Variants in CAMTA1 observed in about 807,000 individuals in gnomAD.
CAMTA1 encodes the protein calmodulin-binding transcription activator 1.
In CAMTA1, 27 loss-of-function variants were observed where a neutral mutation model predicts 170.9. The observed-to-expected ratio is 0.16, with a 90% CI of 0.12 to 0.22. The LOEUF (loss-of-function observed/expected upper bound fraction) is 0.22, where lower values mean the gene tolerates loss of function less well. Among genes scored for constraint, CAMTA1 ranks in the 10% least tolerant of loss-of-function variants. The pLI is 1.00. For missense variants in CAMTA1, 1,619 were observed against 2,217.2 expected, an observed-to-expected ratio of 0.73 and a Z score of 5.42; for synonymous variants, 833 against 891.5, an observed-to-expected ratio of 0.93 and a Z score of 1.17.
At chr1:7,215,150 G>T (rs1287727941) in intron 4 of CAMTA1, among the ~76,000 whole-genome samples, 1 of 138,150 alleles carries the variant, frequency 7.2e-6, no homozygotes, top group Non-Finnish European at 1.6e-5. Flanking sequence ...AGTTTAGCTT[G>T]TGATTATCCT....
At chr1:7,188,059 G>A (rs758700981) in intron 4 of CAMTA1, among the ~76,000 whole-genome samples, 15 of 152,172 alleles carry the variant, frequency 9.9e-5, no homozygotes, top group Non-Finnish European at 1.8e-4. Context: ...TTCACAAGGT[G>A]GCAGGAGAGA....
intron 4 of CAMTA1, among the ~76,000 whole-genome samples, chr1:7,138,429 A>G (rs1347854686): frequency 6.6e-6 from 1 of 152,244 alleles, no homozygotes; most frequent in East Asian, 1.9e-4. Context: ...GACTAAAAAG[A>G]ATCACAAGAT....
intron 5 of CAMTA1, among the ~76,000 whole-genome samples, chr1:7,312,668 T>C (rs1676910076): frequency 6.6e-6 from 1 of 152,238 alleles, no homozygotes; most frequent in Admixed American, 6.5e-5. Flanking sequence ...TTCCAGGTGC[T>C]GTCCTCTCTG....
At chr1:7,180,494 C>T (rs940391597) in intron 4 of CAMTA1, among the ~76,000 whole-genome samples, 1 of 149,964 alleles carries the variant, frequency 6.7e-6, no homozygotes, top group Non-Finnish European at 1.5e-5. Context: ...GAAGGAACTA[C>T]CCCAAATGTC....
chr1:7,424,892 C>T (rs1446472133), intron 5 of CAMTA1, among the ~76,000 whole-genome samples: 4 of 152,100 alleles, frequency 2.6e-5, no homozygotes, highest in African/African-American at 7.2e-5. Flanking sequence ...TGGTGGCGCT[C>T]ATCCTCCCAG....
intron 6 of CAMTA1, among the ~76,000 whole-genome samples, chr1:7,516,348 C>T (rs936968883): frequency 6.6e-5 from 10 of 152,268 alleles, no homozygotes; most frequent in South Asian, 6.2e-4. Flanking sequence ...TCTGCTGTCC[C>T]GAAGCCTCCT....
rs2094770922 is a variant in CAMTA1, at chr1:7,549,584, TG to T, written c.510+81685del. 3.3e-5 allele frequency among the ~76,000 whole-genome samples: 5 copies of T among 152,290 alleles called. No homozygotes were observed. The South Asian group carries it at 1.0e-3, about 32-fold the overall frequency. On this transcript the variant is annotated intron_variant, in intron 6 of 22. Transcript: ENST00000303635. ...CTTTAGATAAAATGCAGTTGTGGAC[TG>T]GCCCAGCTTTAGTTTAAATCTTTTC...
chr1:7,579,548 T>TTTTCTTTC lies in CAMTA1; in HGVS notation c.511-60845_511-60844insCTTTCTTT, dbSNP rs1219580184. ...CTAAGGTCCACTTTCTTTTCTTTTC[T>TTTTCTTTC]TTTCTTTTTTTTTTTTTTTTTTTTT... On this transcript the variant is annotated intron_variant, in intron 6 of 22. Transcript: ENST00000303635. Among the ~76,000 whole-genome samples, 550 of 134,578 alleles carry TTTTCTTTC rather than the reference T, an allele frequency of 4.1e-3. 6 individuals are homozygous for TTTTCTTTC. The highest frequency in any genetic ancestry group is 0.018 in the African/African-American group (523 of 28,610). The allele number at this position is 134,578 out of a possible 152,430, so 88.3% of individuals were successfully genotyped here.
At chr1:7,617,773 T>C (rs2095569635) in intron 6 of CAMTA1, among the ~76,000 whole-genome samples, 1 of 146,654 alleles carries the variant, frequency 6.8e-6, no homozygotes, top group Non-Finnish European at 1.5e-5. Flanking sequence ...CAGAGGAATT[T>C]GCTCTTGGGT....
At chr1:7,071,132 A>G (rs11120831) in intron 3 of CAMTA1, among the ~76,000 whole-genome samples, 59,732 of 152,064 alleles carry the variant, frequency 0.39, 12,338 homozygotes, top group African/African-American at 0.52. Context: ...TCCTCTCCTC[A>G]AACAAGGTCA....
At chr1:7,247,987 A>C (rs747403582) in intron 4 of CAMTA1, among the ~76,000 whole-genome samples, 53 of 152,340 alleles carry the variant, frequency 3.5e-4, no homozygotes, top group Admixed American at 1.4e-3. Flanking sequence ...ACACTGACAC[A>C]AACCAATTGT....
intron 11 of CAMTA1, among the ~76,000 whole-genome samples, chr1:7,710,923 T>C (rs1200510787): frequency 6.6e-6 from 1 of 152,128 alleles, no homozygotes; most frequent in African/African-American, 2.4e-5. Context: ...ACGTGTCTAA[T>C]CTCTTGAATA....
In CAMTA1 at chr1:7,489,014, CTGACA is replaced by C. The variant is rs1344284220; in HGVS notation, c.510+21115_510+21119del. On this transcript the variant is annotated intron_variant, in intron 6 of 22. Coordinates refer to ENST00000303635, the MANE Select transcript of CAMTA1 (RefSeq NM_015215.4). ...TGCCACCCCCAGCGCCACATGGGCT[CTGACA>C]TTTCTGCAAAGAGGGACACAGAGCC... Among the ~76,000 whole-genome samples, 4 of 152,214 alleles carry C rather than the reference CTGACA, an allele frequency of 2.6e-5. No homozygotes were observed. In the East Asian group the frequency reaches 7.7e-4, roughly 29 times the overall value.
Position 7,403,947 on chromosome 1 carries a change from C to T in CAMTA1, c.439-63883C>T, listed in dbSNP as rs116713429. Among the ~76,000 whole-genome samples the T allele has an allele frequency of 2.0e-3, 302 of 152,300 alleles. 1 individual carries two copies. The highest frequency in any genetic ancestry group is 7.1e-3 in the African/African-American group (297 of 41,578). ...TCAGTGGCAGAGTCCGGGCCCCTGA[C>T]CCCTGCGGGATCCTACCTGCCTAGA... On this transcript the variant is annotated intron_variant, in intron 5 of 22. Transcript: ENST00000303635.
At chr1:6,953,430 G>C (rs985434167) in intron 3 of CAMTA1, among the ~76,000 whole-genome samples, 1 of 152,232 alleles carries the variant, frequency 6.6e-6, no homozygotes. Flanking sequence ...GCCTTGGTGG[G>C]GGTCCTTTCA....
intron 11 of CAMTA1, among the ~76,000 whole-genome samples, chr1:7,704,254 G>A (rs930082437): frequency 6.8e-6 from 1 of 146,486 alleles, no homozygotes; most frequent in African/African-American, 2.4e-5. Context: ...CGACGGCGCG[G>A]GGAGCCAGGC....
chr1:7,344,476 T>G (rs953862256), intron 5 of CAMTA1, among the ~76,000 whole-genome samples: 9 of 152,334 alleles, frequency 5.9e-5, no homozygotes, highest in African/African-American at 1.7e-4. Flanking sequence ...CTTTACTGGA[T>G]TCCATGAGAC....
At chr1:7,722,347 G>T (rs1307571618) in intron 11 of CAMTA1, among the ~76,000 whole-genome samples, 1 of 152,244 alleles carries the variant, frequency 6.6e-6, no homozygotes, top group African/African-American at 2.4e-5. Flanking sequence ...AAGAGGAAAA[G>T]ATGTCCCATG....
chr1:7,147,637 A>G (rs2148660886), intron 4 of CAMTA1, among the ~76,000 whole-genome samples: 1 of 151,634 alleles, frequency 6.6e-6, no homozygotes, highest in African/African-American at 2.4e-5. Flanking sequence ...TCAAACATAC[A>G]CCACAAATAC....
Sources: allele counts gnomAD v4.1 joint callset (sites outside exome capture counted in the v4.1 genomes callset), GRCh38; gene constraint gnomAD v4.1.1; transcripts MANE v1.5; gene names NCBI Gene and HGNC (gene_info 2026-07-23, HGNC 2026-07-21).